Variants in MROH7 observed in about 807,000 individuals in gnomAD.
The protein encoded by MROH7 is maestro heat like repeat family member 7, also known as maestro heat-like repeat-containing protein family member 7.
In MROH7, 113 loss-of-function variants were observed where a neutral mutation model predicts 129.2. That is an observed-to-expected ratio of 0.87 (90% CI 0.75 to 1.02). The LOEUF is 1.02. MROH7 is among the 50% of genes least tolerant of loss of function. The pLI is 0.00. For synonymous variants in MROH7, 655 were observed against 667.9 expected (o/e 0.98, Z 0.30); for missense variants, 1,601 against 1,671.3 (o/e 0.96, Z 0.73).
intron 1 of MROH7, 87 bp downstream of exon 1, chr1:54,642,055 G>T (rs532345735): frequency 5.9e-5 from 9 of 152,238 alleles, no homozygotes; most frequent in African/African-American, 1.9e-4. Flanking sequence ...CTGGGAGTTG[G>T]GGGGAGGTGA....
intron 14 of MROH7, among the ~76,000 whole-genome samples, chr1:54,683,660 T>C (rs2077434): frequency 0.4 from 61,478 of 151,988 alleles, 12,909 homozygotes; most frequent in East Asian, 0.56. Context: ...CCTGGCCGGC[T>C]TCCCCACGCT....
In MROH7 at chr1:54,678,766, A is replaced by G; in HGVS notation, c.1961A>G (p.Asn654Ser). Residue 654 changes from asparagine (N) to serine (S), a missense_variant, in exon 11 of 24, where the codon AAC becomes AGC. By Grantham distance (46) the Asn-to-Ser change is conservative. Transcript: ENST00000421030. ...GGAGCCAGAGATAAGGAAGAGACCAACAAAAAGGAGCTATATGAGAGCAAC... is the reference window on the plus strand; with the variant it reads ...GGAGCCAGAGATAAGGAAGAGACCAGCAAAAAGGAGCTATATGAGAGCAAC... ...QKRARDKEET[N>S]KKELYESNKH... is the part of the protein sequence containing the mutation. 1 of 1,614,056 alleles carries G rather than the reference A, an allele frequency of 6.2e-7. No homozygotes were observed. Among genetic ancestry groups the G allele is most frequent in the Middle Eastern group, 1.7e-4 (1 of 6,056 alleles).
intron 4 of MROH7, among the ~76,000 whole-genome samples, 153 bp downstream of exon 4, chr1:54,665,393 G>C (rs1437816763): frequency 6.6e-6 from 1 of 152,162 alleles, no homozygotes; most frequent in Non-Finnish European, 1.5e-5. Context: ...TGTGCCATAT[G>C]CTTTGTTTAT....
chr1:54,656,291 C>A (rs769828398), intron 3 of MROH7, among the ~76,000 whole-genome samples: 3 of 150,418 alleles, frequency 2.0e-5, no homozygotes, highest in Non-Finnish European at 4.4e-5. Context: ...GTGGGCAGAT[C>A]ACCTGAGGTC....
At chr1:54,682,305 C>T (rs181658913) in intron 13 of MROH7, among the ~76,000 whole-genome samples, 285 of 151,992 alleles carry the variant, frequency 1.9e-3, no homozygotes, top group Non-Finnish European at 3.4e-3. Flanking sequence ...GCTGTGATTA[C>T]AGGCATGCAC....
At chr1:54,702,857 A>G in intron 21 of MROH7, 112 bp downstream of exon 21, 1 of 1,340,168 alleles carries the variant, frequency 7.5e-7, no homozygotes, top group Non-Finnish European at 1.0e-6. Flanking sequence ...ATGACCAACT[A>G]CAAGTTGTTG....
intron 19 of MROH7, 131 bp from the exon 20 acceptor site, chr1:54,701,959 G>T: frequency 1.4e-6 from 1 of 727,900 alleles, no homozygotes; most frequent in East Asian, 3.3e-5. Context: ...TTAGGTTAGT[G>T]GGGGTCTGGC....
chr1:54,707,452 G>A (rs1480337694), intron 22 of MROH7, among the ~76,000 whole-genome samples: 9 of 152,182 alleles, frequency 5.9e-5, no homozygotes, highest in Admixed American at 2.0e-4. Flanking sequence ...GTGATGCTTA[G>A]GCTAGAACAA....
At chr1:54,685,728 G>A (rs1645137731) in intron 14 of MROH7, among the ~76,000 whole-genome samples, 1 of 152,168 alleles carries the variant, frequency 6.6e-6, no homozygotes, top group South Asian at 2.1e-4. Flanking sequence ...TGGCCTCATG[G>A]GGATGGGAGT....
intron 19 of MROH7, 81 bp downstream of exon 19, chr1:54,701,403 T>C: frequency 1.6e-6 from 2 of 1,287,474 alleles, no homozygotes; most frequent in Non-Finnish European, 2.1e-6. Flanking sequence ...TTTCCACCTG[T>C]GCCCCCATCA....
At chr1:54,695,853 C>A in intron 17 of MROH7, 1 of 347,090 alleles carries the variant, frequency 2.9e-6, no homozygotes, top group South Asian at 2.2e-5. Flanking sequence ...GGGGGTGATA[C>A]CAGTGAGTGA....
In MROH7 at chr1:54,673,072, G is replaced by A; in HGVS notation, c.1600-19G>A. 3 of 1,602,696 alleles carry A rather than the reference G, an allele frequency of 1.9e-6. No homozygotes were observed. The highest frequency in any genetic ancestry group is 2.6e-6 in the Non-Finnish European group (3 of 1,170,326). On this transcript the variant is annotated intron_variant, in intron 7 of 23. Coordinates refer to ENST00000421030, the MANE Select transcript of MROH7 (RefSeq NM_001039464.4). Reference sequence around the variant, plus strand: ...GCTCCAGAGGTGCCTTAGTGGCTTGGTCCTCCTCCCATCCACAGGCTCTTT... The same window carrying A: ...GCTCCAGAGGTGCCTTAGTGGCTTGATCCTCCTCCCATCCACAGGCTCTTT...
intron 15 of MROH7, among the ~76,000 whole-genome samples, chr1:54,688,608 T>C (rs1235302740): frequency 6.6e-6 from 1 of 152,182 alleles, no homozygotes; most frequent in East Asian, 1.9e-4. Context: ...GCAGTTGGTT[T>C]CCTTGCCTAT....
intron 3 of MROH7, among the ~76,000 whole-genome samples, chr1:54,662,369 C>T (rs904877034): frequency 6.6e-6 from 1 of 151,564 alleles, no homozygotes; most frequent in Non-Finnish European, 1.5e-5. Flanking sequence ...AACCCTGTCT[C>T]TACTGAAAAT....
At chr1:54,708,137 C>T (rs974457192) in intron 22 of MROH7, among the ~76,000 whole-genome samples, 2 of 152,048 alleles carry the variant, frequency 1.3e-5, no homozygotes, top group South Asian at 4.2e-4. Flanking sequence ...AGAAGTGAGG[C>T]GCCAGGCAGG....
At chr1:54,681,230 C>T (rs983396814) in intron 13 of MROH7, among the ~76,000 whole-genome samples, 3 of 152,192 alleles carry the variant, frequency 2.0e-5, no homozygotes, top group East Asian at 1.9e-4. Context: ...AGTCTTGGCC[C>T]TGAGTCTAGG....
chr1:54,690,453 CT>C (rs767848151), intron 15 of MROH7, among the ~76,000 whole-genome samples: 84 of 143,686 alleles, frequency 5.8e-4, no homozygotes, highest in East Asian at 4.5e-3. Context: ...TTTTTTTTTC[CT>C]TTTTTTTTTT....
At chr1:54,706,338 C>A in intron 21 of MROH7, 97 bp from the exon 22 acceptor site, 3 of 840,346 alleles carry the variant, frequency 3.6e-6, no homozygotes, top group Non-Finnish European at 6.0e-6. Context: ...ATTTGGGAGG[C>A]AGGGGGTGAG....
intron 1 of MROH7, among the ~76,000 whole-genome samples, chr1:54,645,035 C>A (rs1400022037): frequency 7.3e-5 from 11 of 150,716 alleles, no homozygotes; most frequent in African/African-American, 2.7e-4. Flanking sequence ...GTCTTGAACT[C>A]CTGGCATCAA....
Sources: gnomAD v4.1 joint callset for allele counts (sites outside exome capture counted in the v4.1 genomes callset) on GRCh38, gnomAD v4.1.1 for gene constraint, MANE v1.5 for transcripts, NCBI Gene and HGNC (gene_info 2026-07-23, HGNC 2026-07-21) for gene names.